The following IL36G variants were observed in gnomAD, a reference collection of about 807,000 sequenced individuals.
The protein encoded by IL36G is interleukin-36 gamma.
A neutral mutation model predicts 13.5 loss-of-function variants in IL36G; 10 were observed. The ratio of observed to expected loss-of-function variants is 0.74; its 90% CI spans 0.46 to 1.26. The LOEUF (loss-of-function observed/expected upper bound fraction) is 1.26. IL36G is among the 50% of genes most tolerant of loss of function. IL36G has a pLI of 0.00. For missense variants in IL36G, 199 were observed against 203.0 expected (o/e 0.98, Z 0.12); for synonymous variants, 84 against 74.0 (o/e 1.13, Z -0.69).
intron 3 of IL36G, 65 bp from the exon 4 acceptor site, chr2:112,979,944 C>A: frequency 6.5e-7 from 1 of 1,543,878 alleles, no homozygotes; most frequent in Non-Finnish European, 8.9e-7. Context: ...TACTGCCCTG[C>A]TAAATCAAAT....
intron 4 of IL36G, among the ~76,000 whole-genome samples, chr2:112,983,860 AAGG>A (rs1684307708): frequency 2.0e-5 from 3 of 152,190 alleles, no homozygotes; most frequent in Admixed American, 1.3e-4. Flanking sequence ...GAGTAGGTTC[AAGG>A]AGAACATTTA....
At chr2:112,980,742 A>T (rs1440639328) in intron 4 of IL36G, among the ~76,000 whole-genome samples, 1 of 152,256 alleles carries the variant, frequency 6.6e-6, no homozygotes, top group African/African-American at 2.4e-5. Flanking sequence ...ACATACTGGT[A>T]ACCAATGATT....
intron 4 of IL36G, among the ~76,000 whole-genome samples, chr2:112,984,539 A>G (rs779944191): frequency 2.6e-5 from 4 of 152,108 alleles, no homozygotes; most frequent in Non-Finnish European, 4.4e-5. Flanking sequence ...CCTAAGGGTC[A>G]CCTCAGCCTC....
At chr2:112,981,809 A>C (rs1350872621) in intron 4 of IL36G, among the ~76,000 whole-genome samples, 1 of 152,160 alleles carries the variant, frequency 6.6e-6, no homozygotes, top group African/African-American at 2.4e-5. Flanking sequence ...ATCCTTTTAT[A>C]GCATTTCCTG....
rs1558818916 is a variant in IL36G at position 112,984,967 on chromosome 2, C to T, written c.428C>T (p.Ser143Phe). The change falls in exon 5 of 5, where the codon TCC (serine) becomes TTC (phenylalanine). Residue 143 changes from serine (S) to phenylalanine (F), a missense_variant. By Grantham distance (155) the Ser-to-Phe change is radical (BLOSUM62 -2). Coordinates refer to ENST00000259205, the MANE Select transcript of IL36G (RefSeq NM_019618.4). The stretch of plus-strand genomic sequence containing the variant: ...TTCCCGGACTGGTTCATTGCCTCCT[C>T]CAAGAGAGACCAGCCCATCATTCTG... ...VAFPDWFIAS[S>F]KRDQPIILTS... 2 of 1,614,066 alleles carry T rather than the reference C, an allele frequency of 1.2e-6. No homozygotes were observed. Among genetic ancestry groups the T allele is most frequent in the South Asian group, 2.2e-5 (2 of 91,074 alleles).
At chr2:112,978,749 GCTATCTC>G (rs1684209642) in intron 2 of IL36G, 56 bp downstream of exon 2, 4 of 1,530,832 alleles carry the variant, frequency 2.6e-6, no homozygotes, top group Non-Finnish European at 3.6e-6. Context: ...CTGCACTCAC[GCTATCTC>G]CTGTGGAAGC....
chr2:112,980,834 ATGAATTTATTT>A (rs1227608854), intron 4 of IL36G, among the ~76,000 whole-genome samples: 1 of 152,240 alleles, frequency 6.6e-6, no homozygotes, highest in African/African-American at 2.4e-5. Flanking sequence ...GGACATAAAA[ATGAATTTATTT>A]TCCATACCAC....
rs1477308836 is a variant in IL36G, at chr2:112,984,821, A to G, written c.301-19A>G. 6.3e-7 allele frequency: 1 copy of G among 1,593,118 alleles called. No individual in the cohort carries two copies. Among genetic ancestry groups the G allele is most frequent in the Non-Finnish European group, 8.6e-7 (1 of 1,161,282 alleles). ...ACAGCTTCTGTTTCTCCTAATGGGT[A>G]CTTGTTCTGACATTTCAGGAGCAGA... On this transcript the variant is annotated intron_variant, in intron 4 of 4. Coordinates refer to ENST00000259205, the MANE Select transcript of IL36G (RefSeq NM_019618.4).
rs773998428 is a variant in IL36G at position 112,979,292 on chromosome 2, G to T, written c.127G>T (p.Val43Leu). 2 of 1,613,184 alleles carry T rather than the reference G, an allele frequency of 1.2e-6. No homozygotes were observed. The highest frequency in any genetic ancestry group is 1.7e-6 in the Non-Finnish European group (2 of 1,179,086). Residue 43 changes from valine (V) to leucine (L), a missense_variant, in exon 3 of 5, where the codon GTG becomes TTG. Physicochemically the swap from Val to Leu is conservative, Grantham distance 32 (BLOSUM62 1). Transcript: ENST00000259205. The stretch of plus-strand genomic sequence containing the variant: ...GTGGACCCTTCAGGGTCAGAACCTT[G>T]TGGCAGTTCCACGAAGTGACAGTGT... ...QVWTLQGQNL[V>L]AVPRSDSVTP... is the part of the protein sequence containing the mutation.
intron 4 of IL36G, chr2:112,981,429 G>A (rs1169318767): frequency 1.4e-6 from 1 of 698,720 alleles, no homozygotes; most frequent in Non-Finnish European, 2.6e-6. Context: ...CCTTTCTCCT[G>A]GGCATGGTGG....
At chr2:112,981,283 C>T (rs1325161716) in intron 4 of IL36G, 6 of 1,297,986 alleles carry the variant, frequency 4.6e-6, no homozygotes, top group African/African-American at 2.9e-5. Flanking sequence ...CTTTGGGTAC[C>T]TTCTCTCCCT....
chr2:112,978,672 G>C lies in IL36G; in HGVS notation c.34G>C (p.Gly12Arg). The C allele has an allele frequency of 6.2e-7, 1 of 1,614,178 alleles. No individual in the cohort carries two copies. Among genetic ancestry groups the C allele is most frequent in the Non-Finnish European group, 8.5e-7 (1 of 1,180,022 alleles). ...RGTPGDADGG[G>R]RAVYQSMCKP... ...CACTCCAGGAGACGCTGATGGTGGA[G>C]GAAGGGCCGTCTATCAATCAAGTGA... The change falls in exon 2 of 5, where the codon GGA becomes CGA. Residue 12 changes from glycine to arginine, a missense_variant. Transcript: ENST00000259205.
Position 112,985,029 on chromosome 2 carries a change from G to A in IL36G, c.490G>A (p.Glu164Lys). Residue 164 changes from glutamate (E) to lysine (K), a missense_variant, in exon 5 of 5, where the codon GAA becomes AAA. Physicochemically the swap from Glu to Lys is moderately conservative, Grantham distance 56 (BLOSUM62 1). Transcript: ENST00000259205. ...ELGKSYNTAF[E>K]LNIND is the part of the protein sequence containing the mutation. ...TGGGAAGTCATACAACACTGCCTTT[G>A]AATTAAATATAAATGACTGAACTCA... The A allele has an allele frequency of 6.2e-7, 1 of 1,613,542 alleles. No individual in the cohort carries two copies. The highest frequency in any genetic ancestry group is 8.5e-7 in the Non-Finnish European group (1 of 1,179,592).
intron 4 of IL36G, among the ~76,000 whole-genome samples, chr2:112,984,254 C>A (rs1403220647): frequency 6.6e-6 from 1 of 152,190 alleles, no homozygotes; most frequent in South Asian, 2.1e-4. Flanking sequence ...CATGTACATA[C>A]AAATATATAG....
chr2:112,983,547 G>A (rs1191004230), intron 4 of IL36G, among the ~76,000 whole-genome samples: 1 of 152,116 alleles, frequency 6.6e-6, no homozygotes, highest in Non-Finnish European at 1.5e-5. Flanking sequence ...GCCTTGGGAA[G>A]ATGTGGGGCT....
chr2:112,979,966 C>T (rs773948125), intron 3 of IL36G, 43 bp from the exon 4 acceptor site: 2 of 1,596,196 alleles, frequency 1.3e-6, no homozygotes, highest in Non-Finnish European at 1.7e-6. Flanking sequence ...ATCTTTCTGA[C>T]TTCAAAAGGA....
intron 1 of IL36G, 92 bp from the exon 2 acceptor site, chr2:112,978,528 C>T (rs1684204127): frequency 2.0e-6 from 2 of 1,019,148 alleles, no homozygotes; most frequent in South Asian, 2.6e-5. Flanking sequence ...TTTCCCAGCT[C>T]CCTGTCTAGA....
chr2:112,983,995 C>G lies in IL36G; in HGVS notation c.301-845C>G, dbSNP rs544269169. Among the ~76,000 whole-genome samples the G allele has an allele frequency of 1.1e-4, 17 of 152,230 alleles. 1 individual carries two copies. In the South Asian group the frequency reaches 2.9e-3, roughly 26 times the overall value. On this transcript the variant is annotated intron_variant, in intron 4 of 4. Coordinates refer to ENST00000259205, the MANE Select transcript of IL36G (RefSeq NM_019618.4). ...TTTGGTATTTTGGAAATAGAGTCCA[C>G]AGGCCTTGCTCCTGGGTTAGATGTT...
chr2:112,982,864 A>G (rs976549822), intron 4 of IL36G, among the ~76,000 whole-genome samples: 1 of 152,170 alleles, frequency 6.6e-6, no homozygotes, highest in African/African-American at 2.4e-5. Flanking sequence ...AATTACAAGA[A>G]AGGGATCAGA....
Sources: allele counts gnomAD v4.1 joint callset (sites outside exome capture counted in the v4.1 genomes callset), GRCh38; gene constraint gnomAD v4.1.1; transcripts MANE v1.5; gene names NCBI Gene and HGNC (gene_info 2026-07-23, HGNC 2026-07-21).